MOBP: variants seen among roughly 807,000 people sequenced by gnomAD.
The protein encoded by MOBP is myelin-associated oligodendrocyte basic protein.
MOBP carries 5 observed loss-of-function variants against 15.0 expected under a neutral mutation model. The ratio of observed to expected loss-of-function variants is 0.33; its 90% CI spans 0.17 to 0.70. The LOEUF (loss-of-function observed/expected upper bound fraction) is 0.70. Ranked by LOEUF, MOBP falls within the 30% of genes least tolerant of loss-of-function variation. The probability of loss-of-function intolerance (pLI) is 0.67; values close to 1 mark genes in which losing one functional copy is unlikely to be tolerated. For missense variants in MOBP, 188 were observed against 257.8 expected, an observed-to-expected ratio of 0.73 and a Z score of 1.85; for synonymous variants, 88 against 99.0, an observed-to-expected ratio of 0.89 and a Z score of 0.66.
chr3:39,503,444 T>C (rs1386280540), downstream of MOBP, among the ~76,000 whole-genome samples: 1 of 152,140 alleles, frequency 6.6e-6, no homozygotes, highest in East Asian at 1.9e-4. Context: ...CAGGACCAAA[T>C]AAGAGAATAG....
intron 2 of MOBP, among the ~76,000 whole-genome samples, chr3:39,496,403 G>A (rs1030613887): frequency 6.6e-6 from 1 of 151,764 alleles, no homozygotes; most frequent in African/African-American, 2.4e-5. Context: ...GTTTCACCGT[G>A]TTAGCCAGGA....
intron 4 of MOBP, among the ~76,000 whole-genome samples, chr3:39,510,212 C>T (rs2043102061): frequency 6.6e-6 from 1 of 152,188 alleles, no homozygotes; most frequent in East Asian, 1.9e-4. Context: ...CAAAGCCATA[C>T]TTTATTACTG....
intron 4 of MOBP, among the ~76,000 whole-genome samples, chr3:39,508,798 C>T (rs9874784): frequency 0.049 from 7,392 of 152,156 alleles, 642 homozygotes; most frequent in African/African-American, 0.17. Flanking sequence ...CTGCCCACCT[C>T]GGACTTTCAA....
At chr3:39,520,377 A>T (rs1394283857), downstream of MOBP, among the ~76,000 whole-genome samples, 1 of 152,208 alleles carries the variant, frequency 6.6e-6, no homozygotes, top group African/African-American at 2.4e-5. Flanking sequence ...TAAGTCTTCA[A>T]AAGTCCTCAG....
At chr3:39,482,387 C>T (rs1264077773) in intron 2 of MOBP, among the ~76,000 whole-genome samples, 1 of 152,170 alleles carries the variant, frequency 6.6e-6, no homozygotes, top group Admixed American at 6.6e-5. Flanking sequence ...CACGGTGGCT[C>T]ATGCCTGTAA....
downstream of MOBP, chr3:39,526,171 A>G (rs564403756): frequency 4.6e-5 from 7 of 152,368 alleles, no homozygotes; most frequent in Non-Finnish European, 7.3e-5. Flanking sequence ...AGCCAGGCCC[A>G]TAGTGCTTGC....
At chr3:39,482,149 C>T (rs961468350) in intron 2 of MOBP, among the ~76,000 whole-genome samples, 1 of 152,130 alleles carries the variant, frequency 6.6e-6, no homozygotes, top group Non-Finnish European at 1.5e-5. Context: ...TAGATACTTC[C>T]AACACCCATC....
At chr3:39,470,174 C>A (rs1248719086) in intron 1 of MOBP, among the ~76,000 whole-genome samples, 2 of 152,188 alleles carry the variant, frequency 1.3e-5, no homozygotes, top group Non-Finnish European at 2.9e-5. Flanking sequence ...GGAGGCGGAC[C>A]TCTGGCAACG....
At chr3:39,524,971 A>G (rs1306158531), downstream of MOBP, 2 of 152,222 alleles carry the variant, frequency 1.3e-5, no homozygotes, top group Non-Finnish European at 2.9e-5. Flanking sequence ...ATAATATACT[A>G]TGCATAAATT....
rs76338435 is a variant in MOBP at position 39,515,180 on chromosome 3, A to G, written c.*1797A>G. 1,150 of 152,404 alleles carry G rather than the reference A, an allele frequency of 7.5e-3. 7 individuals are homozygous for G. Among genetic ancestry groups the G allele is most frequent in the East Asian group, 0.036 (184 of 5,176 alleles). 9.4% of individuals were successfully genotyped at this position (152,404 alleles called of 1,614,324 possible). ...CCCTTCAGGGGCCTGGCCTTGACTT[A>G]GGGCTGCACTGTATCCTCAGCAACG... is the stretch of plus-strand genomic sequence containing the variant. On this transcript the variant is annotated 3_prime_UTR_variant, in exon 5 of 5. Transcript: ENST00000311042.
exon 5 of MOBP, chr3:39,513,592 G>A (rs1429924922): frequency 4.4e-6 from 3 of 678,684 alleles, no homozygotes; most frequent in Non-Finnish European, 7.6e-6. Context: ...GGGCCTCAGG[G>A]CAGCCTGCCT....
intron 3 of MOBP, among the ~76,000 whole-genome samples, chr3:39,523,307 G>A (rs185591960): frequency 9.9e-5 from 15 of 152,098 alleles, no homozygotes; most frequent in East Asian, 3.9e-4. Context: ...GAGTATATTC[G>A]CCTCTCAGTA....
chr3:39,497,148 T>C (rs1288936095), intron 2 of MOBP, among the ~76,000 whole-genome samples: 1 of 152,220 alleles, frequency 6.6e-6, no homozygotes, highest in Non-Finnish European at 1.5e-5. Flanking sequence ...GCAGTGAATA[T>C]AGATTTTTTT....
downstream of MOBP, among the ~76,000 whole-genome samples, chr3:39,506,974 TC>T (rs2043057070): frequency 6.6e-6 from 1 of 152,246 alleles, no homozygotes. Context: ...ACTCTCTTCT[TC>T]CTTTTCTCTG....
chr3:39,528,111 C>A (rs2043352785), downstream of MOBP: 1 of 152,096 alleles, frequency 6.6e-6, no homozygotes, highest in South Asian at 2.1e-4. Flanking sequence ...AAAATGGATT[C>A]ATAAACTTTT....
At chr3:39,501,987 G>A in intron 2 of MOBP, 79 bp from the exon 3 acceptor site, 2 of 1,212,166 alleles carry the variant, frequency 1.6e-6, no homozygotes, top group Non-Finnish European at 2.4e-6. Flanking sequence ...GGAGTAGCAG[G>A]GGGCTTCCAG....
intron 2 of MOBP, among the ~76,000 whole-genome samples, chr3:39,482,380 G>A (rs1057063643): frequency 2.0e-5 from 3 of 152,094 alleles, no homozygotes; most frequent in East Asian, 1.9e-4. Context: ...GGTCGGGCAC[G>A]GTGGCTCATG....
chr3:39,520,162 C>T (rs1238082128), downstream of MOBP, among the ~76,000 whole-genome samples: 2 of 152,068 alleles, frequency 1.3e-5, no homozygotes, highest in East Asian at 3.8e-4. Context: ...TATGCAGTTT[C>T]CCACCATCAA....
intron 2 of MOBP, among the ~76,000 whole-genome samples, chr3:39,480,766 C>T (rs1212232362): frequency 1.3e-5 from 2 of 152,336 alleles, no homozygotes; most frequent in Admixed American, 1.3e-4. Context: ...GGTGACTTTA[C>T]TATTTACTTG....
Sources: allele counts gnomAD v4.1 joint callset (sites outside exome capture counted in the v4.1 genomes callset), GRCh38; gene constraint gnomAD v4.1.1; transcripts MANE v1.5; gene names NCBI Gene and HGNC (gene_info 2026-07-23, HGNC 2026-07-21).